The following KCNT2 variants were observed in gnomAD, a reference collection of about 807,000 sequenced individuals.
KCNT2 encodes the protein potassium channel subfamily T member 2.
A neutral mutation model predicts 153.8 loss-of-function variants in KCNT2; 67 were observed. The ratio of observed to expected loss-of-function variants is 0.44; its 90% confidence interval spans 0.36 to 0.53. The LOEUF is 0.53. KCNT2 is among the 20% of genes least tolerant of loss of function. KCNT2 has a pLI of 0.00. For synonymous variants in KCNT2, 500 were observed against 458.8 expected, an observed-to-expected ratio of 1.09 and a Z score of -1.15; for missense variants, 975 against 1,354.8, an observed-to-expected ratio of 0.72 and a Z score of 4.40.
chr1:196,245,061 C>T (rs1473458046), intron 26 of KCNT2, among the ~76,000 whole-genome samples: 1 of 152,074 alleles, frequency 6.6e-6, no homozygotes, highest in Admixed American at 6.6e-5. Context: ...GCCTGGTAAT[C>T]CAGAGAATTC....
chr1:196,561,322 A>G (rs1659353864), intron 1 of KCNT2, among the ~76,000 whole-genome samples: 1 of 151,774 alleles, frequency 6.6e-6, no homozygotes, highest in African/African-American at 2.4e-5. Context: ...AAAAGAGATT[A>G]GAGGAATGGA....
chr1:196,292,469 C>G (rs1253974590), intron 22 of KCNT2, among the ~76,000 whole-genome samples: 1 of 152,074 alleles, frequency 6.6e-6, no homozygotes, highest in South Asian at 2.1e-4. Context: ...GAAGTTCTGG[C>G]CAGAGCAATC....
chr1:196,323,030 A>G (rs1663485306), intron 19 of KCNT2, among the ~76,000 whole-genome samples: 1 of 151,916 alleles, frequency 6.6e-6, no homozygotes, highest in South Asian at 2.1e-4. Context: ...ACATCATCTC[A>G]CAATAGCTTT....
chr1:196,442,018 C>A (rs1207524566), intron 8 of KCNT2, among the ~76,000 whole-genome samples: 2 of 151,670 alleles, frequency 1.3e-5, no homozygotes, highest in African/African-American at 4.8e-5. Context: ...GCACTATGGT[C>A]AAAGGCAATC....
rs753591208 is a variant in KCNT2 at position 196,425,913 on chromosome 1, A to G, written c.1060T>C (p.Ser354Pro). ...VRRVLQIPMW[S>P]QRVIYLQGSA... ...CCTTGAAGGTAGATAACTCGTTGGGACCACATTGGAATCTGCAGTACCCTT... is the reference window on the plus strand; with the variant it reads ...CCTTGAAGGTAGATAACTCGTTGGGGCCACATTGGAATCTGCAGTACCCTT... The change falls in exon 11 of 28, where the codon TCC becomes CCC. Residue 354 changes from serine (S) to proline (P), a missense_variant. Ser to Pro is a moderately conservative substitution (Grantham distance 74, BLOSUM62 -1). This residue lies in a region of KCNT2 where 202 missense variants were observed against 314.9 expected (regional missense o/e 0.64). Transcript: ENST00000294725. 6.2e-7 allele frequency: 1 copy of G among 1,612,446 alleles called. No individual in the cohort carries two copies. The highest frequency in any genetic ancestry group is 1.1e-5 in the South Asian group (1 of 91,050).
intron 14 of KCNT2, among the ~76,000 whole-genome samples, chr1:196,350,551 G>T (rs1297790946): frequency 6.6e-6 from 1 of 151,496 alleles, no homozygotes; most frequent in Non-Finnish European, 1.5e-5. Flanking sequence ...TTTTGATGGG[G>T]TTGTTTTCTT....
intron 14 of KCNT2, among the ~76,000 whole-genome samples, chr1:196,346,078 A>ACC (rs1252253771): frequency 6.6e-6 from 1 of 152,086 alleles, no homozygotes; most frequent in East Asian, 1.9e-4. Context: ...TCATAATAAT[A>ACC]TTCTTATACC....
At chr1:196,541,454 T>C (rs904696556) in intron 1 of KCNT2, among the ~76,000 whole-genome samples, 8 of 152,168 alleles carry the variant, frequency 5.3e-5, no homozygotes, top group Non-Finnish European at 1.2e-4. Context: ...AGGAATGTTT[T>C]ATGGCATGTT....
intron 8 of KCNT2, among the ~76,000 whole-genome samples, chr1:196,444,449 T>C (rs1315342154): frequency 6.6e-6 from 1 of 151,350 alleles, no homozygotes; most frequent in Non-Finnish European, 1.5e-5. Flanking sequence ...GAATTTATAT[T>C]TCGTCGTCCT....
chr1:196,296,428 A>T (rs1438338246), intron 22 of KCNT2, among the ~76,000 whole-genome samples: 1 of 151,970 alleles, frequency 6.6e-6, no homozygotes, highest in Non-Finnish European at 1.5e-5. Flanking sequence ...GTATACGGAG[A>T]CTATAATTTT....
chr1:196,427,742 T>C (rs1352784833), intron 10 of KCNT2, among the ~76,000 whole-genome samples: 1 of 152,080 alleles, frequency 6.6e-6, no homozygotes, highest in East Asian at 1.9e-4. Flanking sequence ...GATATTGAAA[T>C]GGTTTCTTTC....
intron 8 of KCNT2, among the ~76,000 whole-genome samples, chr1:196,456,634 T>C (rs1181742323): frequency 6.6e-6 from 1 of 151,948 alleles, no homozygotes; most frequent in East Asian, 1.9e-4. Flanking sequence ...AGTAAAGTAA[T>C]AGATGCAATT....
chr1:196,587,157 T>A (rs563436041), intron 1 of KCNT2, among the ~76,000 whole-genome samples: 1 of 152,122 alleles, frequency 6.6e-6, no homozygotes, highest in East Asian at 1.9e-4. Context: ...TTTTTCCAAA[T>A]CCTAAAAAAT....
chr1:196,362,783 A>G (rs1377855317), intron 14 of KCNT2, among the ~76,000 whole-genome samples: 3 of 152,116 alleles, frequency 2.0e-5, no homozygotes, highest in African/African-American at 7.2e-5. Context: ...GATGCTCTCA[A>G]TATTTCACAT....
At chr1:196,430,386 C>T (rs1301778506) in intron 8 of KCNT2, among the ~76,000 whole-genome samples, 1 of 148,354 alleles carries the variant, frequency 6.7e-6, no homozygotes, top group East Asian at 2.0e-4. Context: ...CGATCTCTCT[C>T]TCTCTCTCTC....
chr1:196,557,006 G>A (rs1658761859), intron 1 of KCNT2, among the ~76,000 whole-genome samples: 1 of 151,020 alleles, frequency 6.6e-6, no homozygotes, highest in Non-Finnish European at 1.5e-5. Flanking sequence ...GGGAGAGGAG[G>A]GTGGAAGTAG....
rs778808118 is a variant in KCNT2, at chr1:196,333,989, C to T, written c.1855G>A (p.Glu619Lys). The change falls in exon 17 of 28, where the codon GAG becomes AAG. Residue 619 changes from glutamate to lysine, a missense_variant. Glu to Lys is a moderately conservative substitution (Grantham distance 56). Transcript: ENST00000294725. ...ASGPTLSLPT[E>K]GSKEIRRPSI... ...GGTCTTCTTATTTCTTTGCTTCCCT[C>T]TGTAGGAAGAGACAGGGTAGGGCCA... 6.2e-7 allele frequency: 1 copy of T among 1,613,332 alleles called. No individual in the cohort carries two copies. The highest frequency in any genetic ancestry group is 1.1e-5 in the South Asian group (1 of 91,064).
chr1:196,409,376 C>A (rs1672098627), intron 12 of KCNT2, among the ~76,000 whole-genome samples: 1 of 151,410 alleles, frequency 6.6e-6, no homozygotes, highest in Admixed American at 6.6e-5. Context: ...ATTTATTACA[C>A]CCATCTTTCA....
intron 12 of KCNT2, among the ~76,000 whole-genome samples, chr1:196,416,641 G>A (rs2148500944): frequency 6.6e-6 from 1 of 151,968 alleles, no homozygotes; most frequent in Non-Finnish European, 1.5e-5. Flanking sequence ...AGCTTCACTT[G>A]GCATGCCTTA....
Sources: allele counts gnomAD v4.1 joint callset (sites outside exome capture counted in the v4.1 genomes callset), GRCh38; gene constraint gnomAD v4.1.1; regional missense constraint gnomAD v4.1.1; transcripts MANE v1.5; gene names NCBI Gene and HGNC (gene_info 2026-07-23, HGNC 2026-07-21).